Variants in TFB1M observed in about 807,000 individuals in gnomAD.
TFB1M encodes dimethyladenosine transferase 1, mitochondrial.
Under a neutral mutation model 31.1 loss-of-function variants are expected in TFB1M, and 27 were observed. That is an observed-to-expected ratio of 0.87 (90% CI 0.64 to 1.20). The LOEUF (loss-of-function observed/expected upper bound fraction) is 1.20, where lower values mean the gene tolerates loss of function less well. TFB1M is among the 50% of genes most tolerant of loss of function. TFB1M has a pLI of 0.00. For synonymous variants in TFB1M, 166 were observed against 151.8 expected (o/e 1.09, Z -0.69); for missense variants, 394 against 418.7 (o/e 0.94, Z 0.51).
At chr6:155,255,174 G>A (rs1307446333), downstream of TFB1M, 2 of 152,420 alleles carry the variant, frequency 1.3e-5, no homozygotes, top group Admixed American at 1.3e-4. Flanking sequence ...ACTGAAGGCA[G>A]GCTAGGCTAA....
chr6:155,266,736 A>G (rs1230669278), intron 5 of TFB1M, among the ~76,000 whole-genome samples: 1 of 150,322 alleles, frequency 6.7e-6, no homozygotes, highest in Non-Finnish European at 1.5e-5. Flanking sequence ...AGTCCCCGCT[A>G]CTTGGGAGGC....
At chr6:155,252,927 T>C, downstream of TFB1M, 1 of 1,604,464 alleles carries the variant, frequency 6.2e-7, no homozygotes, top group Non-Finnish European at 8.5e-7. Context: ...ACACTTTTCT[T>C]GGTGGGCCTT....
chr6:155,260,950 C>T (rs955727478), intron 5 of TFB1M: 2 of 178,750 alleles, frequency 1.1e-5, no homozygotes, highest in East Asian at 1.4e-4. Flanking sequence ...TTAAATGCCC[C>T]GAAAGGCATA....
chr6:155,292,140 G>A (rs1387598231), intron 4 of TFB1M, among the ~76,000 whole-genome samples: 2 of 152,138 alleles, frequency 1.3e-5, no homozygotes, highest in Non-Finnish European at 2.9e-5. Context: ...AGAGGCAGGG[G>A]GCAGCTCAAA....
At chr6:155,267,373 T>A (rs1784705200) in intron 5 of TFB1M, among the ~76,000 whole-genome samples, 1 of 152,224 alleles carries the variant, frequency 6.6e-6, no homozygotes, top group Non-Finnish European at 1.5e-5. Context: ...CCAAATTCAA[T>A]GTTTTATTTG....
At position 155,298,476 on chromosome 6, in the gene TFB1M, C is replaced by T; in HGVS notation, c.394+1G>A. On this transcript the variant is annotated splice_donor_variant, in intron 3 of 6. Coordinates refer to ENST00000367166, the MANE Select transcript of TFB1M (RefSeq NM_016020.4). LOFTEE classifies it high-confidence loss of function. ...TTTTATAACTACCCAAAAGCACTCACCATCTTCCCAGGGTCTTTTAAGACT... is the reference window on the plus strand; with the variant it reads ...TTTTATAACTACCCAAAAGCACTCATCATCTTCCCAGGGTCTTTTAAGACT... 1.3e-6 allele frequency: 2 copies of T among 1,539,822 alleles called. No homozygotes were observed. Among genetic ancestry groups the T allele is most frequent in the South Asian group, 1.1e-5 (1 of 89,570 alleles).
At chr6:155,250,545 A>C in the TFB1M span, 3 of 1,535,840 alleles carry the variant, frequency 2.0e-6, no homozygotes, top group African/African-American at 4.1e-5. Flanking sequence ...CAGCAGCCCG[A>C]ATGGAGCTCA....
chr6:155,257,942 T>G lies in TFB1M; in HGVS notation c.935A>C (p.Asp312Ala). ...SLCDVYRKMC[D>A]EDPQLFAYNF... Reference sequence around the variant, plus strand: ...ATATGCAAAGAGTTGTGGGTCTTCATCACACATTTTTCTGTATACATCACA... The same window carrying G: ...ATATGCAAAGAGTTGTGGGTCTTCAGCACACATTTTTCTGTATACATCACA... The change falls in exon 7 of 7, where the codon GAT (aspartate) becomes GCT (alanine). Residue 312 changes from aspartate (D) to alanine (A), a missense_variant. By Grantham distance (126) the Asp-to-Ala change is moderately radical. Around this residue, in one of 3 missense-constraint regions of TFB1M, gnomAD observed 115 missense variants for 144.1 expected, o/e 0.80. Transcript: ENST00000367166. 6.2e-7 allele frequency: 1 copy of G among 1,614,224 alleles called. No homozygotes were observed. The highest frequency in any genetic ancestry group is 8.5e-7 in the Non-Finnish European group (1 of 1,180,032).
chr6:155,305,147 T>C lies in TFB1M; in HGVS notation c.285+6041A>G, dbSNP rs1465120359. Among the ~76,000 whole-genome samples, 2 of 113,192 alleles carry C rather than the reference T, an allele frequency of 1.8e-5. 1 individual carries two copies. Among genetic ancestry groups the C allele is most frequent in the Non-Finnish European group, 3.4e-5 (2 of 59,414 alleles). 74.3% of individuals were successfully genotyped at this position (113,192 alleles called of 152,430 possible). ...ATATACATAATTATATATTTATATA[T>C]ATAAATATATATTAAATTATATATT... On this transcript the variant is annotated intron_variant, in intron 2 of 6. Coordinates refer to ENST00000367166, the MANE Select transcript of TFB1M (RefSeq NM_016020.4).
intron 5 of TFB1M, among the ~76,000 whole-genome samples, chr6:155,268,139 A>C (rs183314438): frequency 6.6e-6 from 1 of 151,960 alleles, no homozygotes; most frequent in Non-Finnish European, 1.5e-5. Flanking sequence ...CAATATCTCT[A>C]CTCATCTAGT....
In TFB1M at chr6:155,256,579, A is replaced by T; in HGVS notation, c.*1257T>A. 2 of 1,614,214 alleles carry T rather than the reference A, an allele frequency of 1.2e-6. No homozygotes were observed. The highest frequency in any genetic ancestry group is 2.2e-5 in the South Asian group (2 of 91,078). ...AACCTTGCTGGACTCTGACGAGGGC[A>T]GCTTGAGCAGCGGCACCCAGAGCAG... On this transcript the variant is annotated 3_prime_UTR_variant, in exon 7 of 7. Coordinates refer to ENST00000367166, the MANE Select transcript of TFB1M (RefSeq NM_016020.4).
At chr6:155,232,714 A>AG in the TFB1M span, 64,413 of 151,586 alleles carry the variant, frequency 0.42, 14,551 homozygotes, top group Middle Eastern at 0.56. Context: ...GCGGAGGGAG[A>AG]GGGATCTCCC....
downstream of TFB1M, chr6:155,252,139 C>T: frequency 1.5e-6 from 1 of 657,410 alleles, no homozygotes; most frequent in Non-Finnish European, 2.7e-6. Context: ...CTAACCCCAT[C>T]ACATACTGAG....
At chr6:155,282,587 G>A (rs902788311) in intron 5 of TFB1M, among the ~76,000 whole-genome samples, 6 of 152,082 alleles carry the variant, frequency 3.9e-5, no homozygotes, top group East Asian at 3.9e-4. Flanking sequence ...TATTTTTAGC[G>A]CTTAGCTTAT....
At chr6:155,296,731 T>A (rs1382676258) in intron 4 of TFB1M, among the ~76,000 whole-genome samples, 1 of 152,150 alleles carries the variant, frequency 6.6e-6, no homozygotes, top group Non-Finnish European at 1.5e-5. Flanking sequence ...CCACACTACC[T>A]CCTTGGCTAA....
intron 5 of TFB1M, among the ~76,000 whole-genome samples, chr6:155,269,581 C>A (rs1784832465): frequency 6.6e-6 from 1 of 152,126 alleles, no homozygotes; most frequent in Admixed American, 6.5e-5. Flanking sequence ...CTCAGCCTCC[C>A]AAAGTGTTGG....
intron 5 of TFB1M, among the ~76,000 whole-genome samples, chr6:155,263,727 G>A (rs1360743138): frequency 6.6e-6 from 1 of 152,142 alleles, no homozygotes; most frequent in Non-Finnish European, 1.5e-5. Context: ...GTACAACTCA[G>A]TTCCTGATGA....
intron 4 of TFB1M, 25 bp downstream of exon 4, chr6:155,296,928 A>T (rs761574032): frequency 5.6e-6 from 9 of 1,605,594 alleles, no homozygotes; most frequent in Non-Finnish European, 7.7e-6. Context: ...ATGTGATAAA[A>T]TAGTCACAAA....
At chr6:155,290,505 C>G in intron 4 of TFB1M, among the ~76,000 whole-genome samples, 1 of 151,784 alleles carries the variant, frequency 6.6e-6, no homozygotes, top group Non-Finnish European at 1.5e-5. Flanking sequence ...ACCTAGACTT[C>G]TAAGGCATTC....
Sources: gnomAD v4.1 joint callset for allele counts (sites outside exome capture counted in the v4.1 genomes callset) on GRCh38, gnomAD v4.1.1 for gene constraint, gnomAD v4.1.1 regional missense constraint, MANE v1.5 for transcripts, NCBI Gene and HGNC (gene_info 2026-07-23, HGNC 2026-07-21) for gene names.